LTA4H: variants seen among roughly 807,000 people sequenced by gnomAD.
LTA4H encodes leukotriene A4 hydrolase.
LTA4H carries 59 observed loss-of-function variants against 89.8 expected under a neutral mutation model. The observed-to-expected ratio is 0.66, with a 90% CI of 0.53 to 0.82. The LOEUF is 0.82. Among genes scored for constraint, LTA4H ranks in the 40% least tolerant of loss-of-function variants. The pLI is 0.00. For missense variants in LTA4H, 617 were observed against 727.0 expected (o/e 0.85, Z 1.74); for synonymous variants, 227 against 253.1 (o/e 0.90, Z 0.98).
chr12:96,033,517 T>C (rs1368076725), intron 1 of LTA4H, among the ~76,000 whole-genome samples: 1 of 152,236 alleles, frequency 6.6e-6, no homozygotes, highest in African/African-American at 2.4e-5. Context: ...ATGTAGGACG[T>C]ATAAACTCAT....
chr12:96,023,928 G>GT lies in LTA4H; in HGVS notation c.480+550dup, dbSNP rs531324860. Reference sequence around the variant, plus strand: ...CTTCTTTTTGTTTGTTTGTTTTTTTGTTTTTTGGGTTTTTTTTTTGAGACG... The same window carrying GT: ...CTTCTTTTTGTTTGTTTGTTTTTTTGTTTTTTTGGGTTTTTTTTTTGAGACG... On this transcript the variant is annotated intron_variant, in intron 4 of 18. Transcript: ENST00000228740. 2.6e-5 allele frequency among the ~76,000 whole-genome samples: 4 copies of GT among 150,998 alleles called. No individual in the cohort carries two copies. In the South Asian group the frequency reaches 8.4e-4, roughly 32 times the overall value.
chr12:96,002,230 G>A (rs1017020604), intron 18 of LTA4H, among the ~76,000 whole-genome samples: 25 of 152,044 alleles, frequency 1.6e-4, no homozygotes, highest in Admixed American at 1.2e-3. Context: ...TTTTAATTAG[G>A]GAAAGCATAT....
chr12:96,016,084 C>T (rs1034747991), intron 10 of LTA4H, among the ~76,000 whole-genome samples: 30 of 150,142 alleles, frequency 2.0e-4, no homozygotes, highest in African/African-American at 5.4e-4. Context: ...GAGGCCGAGG[C>T]GGGAGAATTA....
In LTA4H at chr12:96,029,195, A is replaced by G; in HGVS notation, c.160-10T>C. Reference sequence around the variant, plus strand: ...CCTTTGTATCCAAAACCTAAAATTAATATTTTTAAATAGTAAGAAAATAGT... The same window carrying G: ...CCTTTGTATCCAAAACCTAAAATTAGTATTTTTAAATAGTAAGAAAATAGT... On this transcript the variant is annotated splice_polypyrimidine_tract_variant and intron_variant, in intron 1 of 18. Coordinates refer to ENST00000228740, the MANE Select transcript of LTA4H (RefSeq NM_000895.3). 7.1e-7 allele frequency: 1 copy of G among 1,415,134 alleles called. No homozygotes were observed. The highest frequency in any genetic ancestry group is 9.7e-7 in the Non-Finnish European group (1 of 1,034,282). 87.7% of individuals were successfully genotyped at this position (1,415,134 alleles called of 1,614,324 possible). A position where few individuals can be genotyped will look rare whatever the true frequency, so the allele number is the denominator to read the frequency against.
At chr12:96,033,910 T>C (rs538900659) in intron 1 of LTA4H, among the ~76,000 whole-genome samples, 2 of 152,398 alleles carry the variant, frequency 1.3e-5, no homozygotes, top group South Asian at 4.1e-4. Context: ...CAAAGTGCGA[T>C]CTGCAAGGAA....
Position 96,022,061 on chromosome 12 carries a change from C to A in LTA4H, c.585+86G>T. The A allele has an allele frequency of 1.3e-6, 1 of 766,372 alleles. No individual in the cohort carries two copies. Among genetic ancestry groups the A allele is most frequent in the Non-Finnish European group, 2.2e-6 (1 of 457,314 alleles). 47.5% of individuals were successfully genotyped at this position (766,372 alleles called of 1,614,324 possible). On this transcript the variant is annotated intron_variant, in intron 5 of 18. Coordinates refer to ENST00000228740, the MANE Select transcript of LTA4H (RefSeq NM_000895.3). The surrounding 1 kb of genome is among the most constrained non-coding windows in gnomAD (Gnocchi z 4.0). ...CTGTTCTCAAAATTCTGAAATATTT[C>A]AAAAGTAATTTTGCCCTCTGGATGT...
chr12:96,006,419 A>T lies in LTA4H; in HGVS notation c.1435-10T>A. On this transcript the variant is annotated splice_polypyrimidine_tract_variant and intron_variant, in intron 15 of 18. Transcript: ENST00000228740. ...AATCATCTTCTTTGGCCTGAAATAA[A>T]TGTTACCTAGTTATTTTTGTTCAAG... The T allele has an allele frequency of 6.6e-7, 1 of 1,514,130 alleles. No homozygotes were observed. The allele number at this position is 1,514,130 out of a possible 1,614,324, so 93.8% of individuals were successfully genotyped here.
chr12:96,022,243 G>A lies in LTA4H; in HGVS notation c.489C>T (p.Val163=). 4 of 1,604,528 alleles carry A rather than the reference G, an allele frequency of 2.5e-6. No individual in the cohort carries two copies. Among genetic ancestry groups the A allele is most frequent in the Non-Finnish European group, 2.6e-6 (3 of 1,171,676 alleles). Residue 163 remains valine (V), a synonymous_variant, in exon 5 of 19, where the codon GTC becomes GTT. Transcript: ENST00000228740. The surrounding 1 kb of genome is among the most constrained non-coding windows in gnomAD (Gnocchi z 4.0). ...TCATAAGTGCCACCAGTTCTTTAGG[G>A]ACAGACACCTAATCAAGGAGAAAAA... ...VKLTYTAEVS[V]PKELVALMSA...
chr12:96,031,842 T>C (rs1017919952), intron 1 of LTA4H, among the ~76,000 whole-genome samples: 1 of 152,244 alleles, frequency 6.6e-6, no homozygotes, highest in Non-Finnish European at 1.5e-5. Context: ...TCTCAGTCCT[T>C]TCTAGAACAA....
intron 10 of LTA4H, among the ~76,000 whole-genome samples, chr12:96,016,004 T>C (rs1176367811): frequency 3.3e-5 from 5 of 152,222 alleles, no homozygotes; most frequent in African/African-American, 1.2e-4. Context: ...TAATAAGTGT[T>C]ACAGAATTTT....
Position 96,021,087 on chromosome 12 carries a change from G to C in LTA4H, c.636C>G (p.Ser212Arg). 6.3e-7 allele frequency: 1 copy of C among 1,599,782 alleles called. No homozygotes were observed. The highest frequency in any genetic ancestry group is 1.1e-5 in the South Asian group (1 of 88,262). Reference sequence around the variant, plus strand: ...TGAAAATTTTTCCAAAAGCTCACCTGCTTTCTAAAGCTCCAACAACTAAAG... The same window carrying C: ...TGAAAATTTTTCCAAAAGCTCACCTCCTTTCTAAAGCTCCAACAACTAAAG... ...LIALVVGALE[S>R]RQIGPRTLVW... is the part of the protein sequence containing the mutation. The change falls in exon 6 of 19, where the codon AGC becomes AGG. Residue 212 changes from serine (S) to arginine (R), a missense_variant and splice_region_variant. Transcript: ENST00000228740.
chr12:96,024,669 A>G (rs1400119746), intron 3 of LTA4H, 122 bp from the exon 4 acceptor site: 5 of 411,392 alleles, frequency 1.2e-5, no homozygotes, highest in African/African-American at 6.7e-5. Flanking sequence ...ATTTCTTGGG[A>G]TTTTTTTTTT....
chr12:96,006,041 C>G (rs1250501022), intron 16 of LTA4H, among the ~76,000 whole-genome samples: 1 of 152,112 alleles, frequency 6.6e-6, no homozygotes, highest in South Asian at 2.1e-4. Flanking sequence ...AGCCACCGTG[C>G]CTGGCTTATT....
At chr12:96,016,793 C>T (rs1392031635) in intron 10 of LTA4H, among the ~76,000 whole-genome samples, 3 of 151,462 alleles carry the variant, frequency 2.0e-5, no homozygotes, top group Non-Finnish European at 4.4e-5. Flanking sequence ...CCCAGCTACT[C>T]GGGAGGCTGA....
chr12:96,039,170 A>G (rs1442527177), upstream of LTA4H, among the ~76,000 whole-genome samples: 1 of 152,114 alleles, frequency 6.6e-6, no homozygotes. Context: ...AGATTGCTTG[A>G]GCCCAGGAGT....
chr12:96,023,952 C>T lies in LTA4H; in HGVS notation c.480+527G>A, dbSNP rs777211704. 1.3e-4 allele frequency among the ~76,000 whole-genome samples: 20 copies of T among 150,652 alleles called. No homozygotes were observed. In the South Asian group the frequency reaches 1.7e-3, roughly 13 times the overall value. On this transcript the variant is annotated intron_variant, in intron 4 of 18. Coordinates refer to ENST00000228740, the MANE Select transcript of LTA4H (RefSeq NM_000895.3). ...TGTTTTTTGGGTTTTTTTTTTGAGACGGAGTCTGGCTCTGTCGCCCAGGCT... is the reference window on the plus strand; with the variant it reads ...TGTTTTTTGGGTTTTTTTTTTGAGATGGAGTCTGGCTCTGTCGCCCAGGCT...
Position 96,022,341 on chromosome 12 carries a change from C to CT in LTA4H, c.481-91dup. On this transcript the variant is annotated intron_variant, in intron 4 of 18. Transcript: ENST00000228740. The surrounding 1 kb of genome is among the most constrained non-coding windows in gnomAD (Gnocchi z 4.0). ...TGTAAAATAACCTTTTCTTCCCATT[C>CT]TTGACTATCTAATAAACAGACTATG... 1 of 796,138 alleles carries CT rather than the reference C, an allele frequency of 1.3e-6. No homozygotes were observed. The highest frequency in any genetic ancestry group is 2.6e-5 in the Admixed American group (1 of 38,474). 49.3% of individuals were successfully genotyped at this position (796,138 alleles called of 1,614,324 possible).
chr12:96,024,440 A>C (rs1411730087), intron 4 of LTA4H, 39 bp downstream of exon 4: 1 of 1,123,036 alleles, frequency 8.9e-7, no homozygotes, highest in Admixed American at 1.7e-5. Flanking sequence ...ATTTACTGAT[A>C]TGCATCATTT....
chr12:96,042,553 C>T (rs548847573), intron 1 of LTA4H, among the ~76,000 whole-genome samples: 86 of 152,228 alleles, frequency 5.6e-4, no homozygotes, highest in African/African-American at 2.0e-3. Context: ...AATTTACTGA[C>T]GCTCCACAGG....
Sources: gnomAD v4.1 joint callset for allele counts (sites outside exome capture counted in the v4.1 genomes callset) on GRCh38, gnomAD v4.1.1 for gene constraint, Gnocchi (gnomAD v3.1) non-coding constraint, MANE v1.5 for transcripts, NCBI Gene and HGNC (gene_info 2026-07-23, HGNC 2026-07-21) for gene names.